Variants in UBE2E2 observed in about 807,000 individuals in gnomAD.
UBE2E2 encodes ubiquitin-conjugating enzyme E2 E2.
UBE2E2 carries 6 observed loss-of-function variants against 24.7 expected under a neutral mutation model. That is an observed-to-expected ratio of 0.24 (90% CI 0.13 to 0.48). The LOEUF (loss-of-function observed/expected upper bound fraction) is 0.48. UBE2E2 is among the 20% of genes least tolerant of loss of function. UBE2E2 has a pLI of 0.99. For missense variants in UBE2E2, 169 were observed against 245.0 expected, an observed-to-expected ratio of 0.69 and a Z score of 2.07; for synonymous variants, 104 against 83.6, an observed-to-expected ratio of 1.24 and a Z score of -1.33.
intron 3 of UBE2E2, among the ~76,000 whole-genome samples, chr3:23,391,810 T>C (rs1048344522): frequency 6.6e-6 from 1 of 152,102 alleles, no homozygotes; most frequent in African/African-American, 2.4e-5. Flanking sequence ...AGAGTTTGGA[T>C]TGTGAGGGAT....
Position 23,565,444 on chromosome 3 carries a change from C to CTTTT in UBE2E2, c.509-24266_509-24263dup, listed in dbSNP as rs574461544. Among the ~76,000 whole-genome samples, 37 of 46,248 alleles carry CTTTT rather than the reference C, an allele frequency of 8.0e-4. 6 individuals are homozygous for CTTTT. Among genetic ancestry groups the CTTTT allele is most frequent in the African/African-American group, 3.2e-3 (34 of 10,604 alleles). 30.3% of individuals were successfully genotyped at this position (46,248 alleles called of 152,430 possible). ...GTCCTTATCCCAAAAATAGGCATGG[C>CTTTT]TTTTTTTTTTTTTTTTTTTTTTTTT... On this transcript the variant is annotated intron_variant, in intron 5 of 5. Transcript: ENST00000396703.
At chr3:23,372,190 G>C (rs920302764) in intron 3 of UBE2E2, among the ~76,000 whole-genome samples, 2 of 152,192 alleles carry the variant, frequency 1.3e-5, no homozygotes, top group Non-Finnish European at 1.5e-5. Context: ...ACATTTTGCT[G>C]TATGTAAATT....
At chr3:23,387,634 A>G (rs555108474) in intron 3 of UBE2E2, among the ~76,000 whole-genome samples, 2 of 152,194 alleles carry the variant, frequency 1.3e-5, no homozygotes, top group East Asian at 1.9e-4. Flanking sequence ...TTTCTTTACC[A>G]TCTTTAATTA....
chr3:23,475,677 C>T (rs1227895440), intron 3 of UBE2E2, among the ~76,000 whole-genome samples: 1 of 152,028 alleles, frequency 6.6e-6, no homozygotes, highest in Non-Finnish European at 1.5e-5. Flanking sequence ...TGGGAACTTA[C>T]AGATGGAAGC....
chr3:23,528,351 G>T (rs1695047329), intron 4 of UBE2E2, among the ~76,000 whole-genome samples: 2 of 152,142 alleles, frequency 1.3e-5, no homozygotes, highest in Admixed American at 6.5e-5. Context: ...TACTGGTTTA[G>T]CCAGAGAAAG....
intron 3 of UBE2E2, among the ~76,000 whole-genome samples, chr3:23,379,385 C>T (rs1251302104): frequency 3.9e-4 from 45 of 115,228 alleles, no homozygotes; most frequent in African/African-American, 1.4e-3. Flanking sequence ...CCGATGCTAT[C>T]CCTCCCCCCT....
At position 23,590,391 on chromosome 3, in the gene UBE2E2, G is replaced by C. The variant is rs1559432287; in HGVS notation, c.*560G>C. 6.5e-6 allele frequency: 1 copy of C among 152,780 alleles called. No homozygotes were observed. The highest frequency in any genetic ancestry group is 2.4e-5 in the African/African-American group (1 of 41,428). The allele number at this position is 152,780 out of a possible 1,614,324, so 9.5% of individuals were successfully genotyped here. A position where few individuals can be genotyped will look rare whatever the true frequency, so the allele number is the denominator to read the frequency against. On this transcript the variant is annotated 3_prime_UTR_variant, in exon 6 of 6. Transcript: ENST00000396703. ...TCAATCAGAATCACTGTGCATTACT[G>C]AGACTCTGTTTATCACTAGCCTTCT...
intron 3 of UBE2E2, among the ~76,000 whole-genome samples, chr3:23,448,365 C>T (rs1376284392): frequency 6.6e-6 from 1 of 152,204 alleles, no homozygotes; most frequent in Non-Finnish European, 1.5e-5. Flanking sequence ...TCTGGAACTA[C>T]TTTTCACACT....
intron 3 of UBE2E2, among the ~76,000 whole-genome samples, chr3:23,451,431 A>T (rs1041163458): frequency 6.6e-6 from 1 of 152,184 alleles, no homozygotes; most frequent in Non-Finnish European, 1.5e-5. Flanking sequence ...TGAGGCATGG[A>T]ATAAAGAGTA....
intron 3 of UBE2E2, among the ~76,000 whole-genome samples, chr3:23,432,107 A>C (rs1039478933): frequency 1.3e-5 from 2 of 152,208 alleles, no homozygotes; most frequent in Non-Finnish European, 2.9e-5. Context: ...TCAGTTTTTC[A>C]TTAATTTCTC....
intron 5 of UBE2E2, among the ~76,000 whole-genome samples, chr3:23,538,091 G>A (rs918296500): frequency 5.3e-5 from 8 of 151,900 alleles, no homozygotes; most frequent in African/African-American, 1.9e-4. Flanking sequence ...TTTCAAAGCA[G>A]ACTGTTTTAG....
intron 3 of UBE2E2, among the ~76,000 whole-genome samples, chr3:23,259,219 GTA>G (rs1349844583): frequency 1.3e-5 from 2 of 152,080 alleles, no homozygotes; most frequent in East Asian, 1.9e-4. Context: ...CTACTTCCTT[GTA>G]TATGTGTGTG....
intron 3 of UBE2E2, among the ~76,000 whole-genome samples, chr3:23,419,341 C>T (rs921853142): frequency 7.2e-5 from 11 of 152,098 alleles, no homozygotes; most frequent in African/African-American, 2.7e-4. Flanking sequence ...GCTGATGGTT[C>T]TAATATGGGA....
chr3:23,316,933 C>G (rs746845275), intron 3 of UBE2E2, among the ~76,000 whole-genome samples: 1 of 152,116 alleles, frequency 6.6e-6, no homozygotes, highest in Non-Finnish European at 1.5e-5. Context: ...GACCTCAGGA[C>G]TCTCTCTGGT....
chr3:23,552,901 A>G (rs1695676700), intron 5 of UBE2E2, among the ~76,000 whole-genome samples: 1 of 152,190 alleles, frequency 6.6e-6, no homozygotes, highest in African/African-American at 2.4e-5. Flanking sequence ...AACTACCAAC[A>G]TGTGTATAGC....
intron 5 of UBE2E2, among the ~76,000 whole-genome samples, chr3:23,554,563 C>G (rs570414998): frequency 6.6e-6 from 1 of 152,032 alleles, no homozygotes; most frequent in African/African-American, 2.4e-5. Flanking sequence ...ACACTATACA[C>G]GAAAATCAAC....
At chr3:23,264,184 G>T (rs1697979593) in intron 3 of UBE2E2, among the ~76,000 whole-genome samples, 1 of 152,120 alleles carries the variant, frequency 6.6e-6, no homozygotes, top group South Asian at 2.1e-4. Flanking sequence ...ACCCTAGGAA[G>T]TCTTACCTTT....
intron 5 of UBE2E2, among the ~76,000 whole-genome samples, chr3:23,551,293 G>A (rs927125851): frequency 6.6e-5 from 10 of 152,162 alleles, no homozygotes; most frequent in African/African-American, 2.4e-4. Flanking sequence ...AACCTTTTAA[G>A]TTAATTACTA....
At chr3:23,437,977 G>C (rs1307356969) in intron 3 of UBE2E2, among the ~76,000 whole-genome samples, 1 of 152,192 alleles carries the variant, frequency 6.6e-6, no homozygotes, top group Non-Finnish European at 1.5e-5. Context: ...TCAGTTACTG[G>C]AAATGACCAA....
Sources: allele counts gnomAD v4.1 joint callset (sites outside exome capture counted in the v4.1 genomes callset), GRCh38; gene constraint gnomAD v4.1.1; transcripts MANE v1.5; gene names NCBI Gene and HGNC (gene_info 2026-07-23, HGNC 2026-07-21).